TRPM3: variants seen among roughly 807,000 people sequenced by gnomAD.
TRPM3 encodes the protein transient receptor potential cation channel subfamily M member 3.
TRPM3 carries 77 observed loss-of-function variants against 181.2 expected under a neutral mutation model. That is an observed-to-expected ratio of 0.42 (90% CI 0.35 to 0.51). TRPM3 has a LOEUF of 0.51. TRPM3 is among the 20% of genes least tolerant of loss of function. The pLI is 0.01. For missense variants in TRPM3, 1,759 were observed against 2,196.7 expected, an observed-to-expected ratio of 0.80 and a Z score of 3.98; for synonymous variants, 745 against 796.4, an observed-to-expected ratio of 0.94 and a Z score of 1.09.
chr9:71,079,263 G>A (rs2063882204), intron 1 of TRPM3, among the ~76,000 whole-genome samples: 1 of 152,136 alleles, frequency 6.6e-6, no homozygotes, highest in South Asian at 2.1e-4. Context: ...GCTCTCTATG[G>A]GAACAAAGTA....
intron 1 of TRPM3, among the ~76,000 whole-genome samples, chr9:71,435,229 T>A (rs1485890316): frequency 6.6e-6 from 1 of 152,158 alleles, no homozygotes; most frequent in Non-Finnish European, 1.5e-5. Flanking sequence ...GTACTTATAA[T>A]GTGAATAATA....
chr9:71,027,160 A>C (rs2134605266), intron 1 of TRPM3, among the ~76,000 whole-genome samples: 1 of 152,310 alleles, frequency 6.6e-6, no homozygotes, highest in African/African-American at 2.4e-5. Context: ...CCAGGGCCCA[A>C]TATCAGTCCC....
At chr9:70,681,458 T>C (rs1162723229) in intron 9 of TRPM3, 48 bp downstream of exon 9, 1 of 1,472,228 alleles carries the variant, frequency 6.8e-7, no homozygotes, top group African/African-American at 1.4e-5. Context: ...GTCACTGTAT[T>C]AATTCGTTTA....
chr9:71,421,781 T>C (rs915525037), intron 1 of TRPM3, among the ~76,000 whole-genome samples: 2 of 152,014 alleles, frequency 1.3e-5, no homozygotes, highest in African/African-American at 4.8e-5. Flanking sequence ...TGTCACACAA[T>C]GTTAAGTATT....
chr9:71,355,031 G>A (rs1379044674), intron 1 of TRPM3, among the ~76,000 whole-genome samples: 1 of 152,078 alleles, frequency 6.6e-6, no homozygotes, highest in Non-Finnish European at 1.5e-5. Context: ...TTAAACTCCT[G>A]GCAACTTATG....
At chr9:71,226,153 T>C (rs577973458) in intron 1 of TRPM3, among the ~76,000 whole-genome samples, 46 of 151,346 alleles carry the variant, frequency 3.0e-4, no homozygotes, top group African/African-American at 1.1e-3. Flanking sequence ...GCAAGCCTCA[T>C]GGTAATCTCA....
intron 1 of TRPM3, among the ~76,000 whole-genome samples, chr9:71,322,817 A>G (rs2089358750): frequency 6.6e-6 from 1 of 152,148 alleles, no homozygotes; most frequent in Admixed American, 6.6e-5. Flanking sequence ...GCATTGCCAA[A>G]GTTAAAATTG....
chr9:71,174,926 T>C (rs962717426), intron 1 of TRPM3, among the ~76,000 whole-genome samples: 1 of 152,116 alleles, frequency 6.6e-6, no homozygotes, highest in Admixed American at 6.6e-5. Context: ...GAGCTAATCT[T>C]TAAAAGTAGA....
At chr9:70,618,760 C>T (rs1446966372) in intron 17 of TRPM3, 107 bp downstream of exon 17, 2 of 907,844 alleles carry the variant, frequency 2.2e-6, no homozygotes, top group Non-Finnish European at 3.4e-6. Flanking sequence ...TTAGAACCTC[C>T]CTCCTGAGAT....
At chr9:70,682,951 C>T (rs1563978335) in intron 8 of TRPM3, among the ~76,000 whole-genome samples, 1 of 152,144 alleles carries the variant, frequency 6.6e-6, no homozygotes, top group Non-Finnish European at 1.5e-5. Flanking sequence ...ACACACAGAA[C>T]CACAGACTGT....
chr9:70,906,857 T>G (rs1183936324), intron 1 of TRPM3, among the ~76,000 whole-genome samples: 16 of 152,052 alleles, frequency 1.1e-4, no homozygotes, highest in Non-Finnish European at 1.6e-4. Flanking sequence ...GAGCTGAGAT[T>G]GCTCCATTAC....
chr9:71,332,255 GC>G (rs1290166570), intron 1 of TRPM3, among the ~76,000 whole-genome samples: 2 of 151,650 alleles, frequency 1.3e-5, no homozygotes, highest in Non-Finnish European at 2.9e-5. Context: ...AGAAAAACAA[GC>G]TTTTATTCCA....
chr9:70,682,086 T>A (rs2065589485), intron 8 of TRPM3, among the ~76,000 whole-genome samples: 1 of 152,158 alleles, frequency 6.6e-6, no homozygotes, highest in Non-Finnish European at 1.5e-5. Context: ...TGAAATAAAT[T>A]TCTGTTGTTT....
At chr9:71,233,785 T>A (rs2081207634) in intron 1 of TRPM3, among the ~76,000 whole-genome samples, 1 of 152,184 alleles carries the variant, frequency 6.6e-6, no homozygotes, top group African/African-American at 2.4e-5. Context: ...TTCAGTTAAG[T>A]CTTTAAAATG....
intron 1 of TRPM3, among the ~76,000 whole-genome samples, chr9:71,416,757 A>G (rs1207596109): frequency 6.6e-6 from 1 of 151,980 alleles, no homozygotes; most frequent in Non-Finnish European, 1.5e-5. Flanking sequence ...GTATATTTCA[A>G]TGAGTTATGA....
chr9:71,224,849 C>T lies in TRPM3; in HGVS notation c.183+221804G>A, dbSNP rs188372834. ...TGAAGAATGCATCAGAGTCTCTTAA[C>T]AGCAAAATTGATTCAGCAGAAAGAA... On this transcript the variant is annotated intron_variant, in intron 1 of 24. Coordinates refer to the TRPM3 transcript ENST00000357533. 1.7e-3 allele frequency among the ~76,000 whole-genome samples: 264 copies of T among 151,384 alleles called. 4 individuals carry two copies. In the Middle Eastern group the frequency reaches 0.021, roughly 12 times the overall value.
At chr9:71,405,347 CA>C (rs1320381387) in intron 1 of TRPM3, among the ~76,000 whole-genome samples, 4 of 152,048 alleles carry the variant, frequency 2.6e-5, no homozygotes, top group African/African-American at 9.7e-5. Context: ...AAAAATGGTA[CA>C]AATAATCATT....
At chr9:70,669,149 G>A (rs2062435611) in intron 9 of TRPM3, among the ~76,000 whole-genome samples, 1 of 152,230 alleles carries the variant, frequency 6.6e-6, no homozygotes, top group African/African-American at 2.4e-5. Context: ...CATCAGAACT[G>A]GCTGCATGGC....
chr9:71,082,799 C>T (rs1346071376), intron 1 of TRPM3, among the ~76,000 whole-genome samples: 3 of 152,074 alleles, frequency 2.0e-5, no homozygotes, highest in African/African-American at 7.2e-5. Flanking sequence ...AGGAACAGTG[C>T]TTCTGTGGTG....
Sources: gnomAD v4.1 joint callset for allele counts (sites outside exome capture counted in the v4.1 genomes callset) on GRCh38, gnomAD v4.1.1 for gene constraint, MANE v1.5 for transcripts, NCBI Gene and HGNC (gene_info 2026-07-23, HGNC 2026-07-21) for gene names.